The following FMN2 variants were observed in gnomAD, a reference collection of about 807,000 sequenced individuals.
FMN2 encodes the protein formin 2.
In FMN2, 51 loss-of-function variants were observed where a neutral mutation model predicts 142.3. The observed-to-expected ratio is 0.36, with a 90% CI of 0.29 to 0.45. The LOEUF (loss-of-function observed/expected upper bound fraction) is 0.45. FMN2 is among the 20% of genes least tolerant of loss of function. FMN2 has a pLI of 1.00. For missense variants in FMN2, 1,936 were observed against 2,122.8 expected (o/e 0.91, Z 1.73); for synonymous variants, 882 against 869.8 (o/e 1.01, Z -0.25).
At chr1:240,097,071 C>T (rs1038652478) in intron 1 of FMN2, among the ~76,000 whole-genome samples, 1 of 152,086 alleles carries the variant, frequency 6.6e-6, no homozygotes, top group African/African-American at 2.4e-5. Context: ...AGATATCCAA[C>T]GTGTTAAATT....
At chr1:240,374,779 T>C (rs1672989655) in intron 14 of FMN2, among the ~76,000 whole-genome samples, 1 of 152,198 alleles carries the variant, frequency 6.6e-6, no homozygotes, top group Non-Finnish European at 1.5e-5. Context: ...AAGTAGCACT[T>C]TAAATTTCCC....
In FMN2 at chr1:240,092,766, ACAGCAGCAGCAG is replaced by A. The variant is rs532298569; in HGVS notation, c.665_676del (p.Gln222_Gln225del). The A allele has an allele frequency of 1.2e-6, 2 of 1,609,564 alleles. No individual in the cohort carries two copies. Among genetic ancestry groups the A allele is most frequent in the African/African-American group, 1.3e-5 (1 of 74,808 alleles). On this transcript the variant is annotated inframe_deletion, in exon 1 of 18. Coordinates refer to ENST00000319653, the MANE Select transcript of FMN2 (RefSeq NM_020066.5). ...AGCAGCTCCAGCTCCAGCTCCAGCA[ACAGCAGCAGCAG>A]CAGCAGCTCCAGGGCGCCGAGGAGC...
intron 7 of FMN2, among the ~76,000 whole-genome samples, chr1:240,293,232 G>T (rs1669851602): frequency 6.6e-6 from 1 of 152,072 alleles, no homozygotes; most frequent in Non-Finnish European, 1.5e-5. Context: ...GGACAACTGT[G>T]TACTTTATGA....
At chr1:240,208,878 G>A in intron 5 of FMN2, 146 bp downstream of exon 5, 1 of 1,045,910 alleles carries the variant, frequency 9.6e-7, no homozygotes, top group Non-Finnish European at 1.4e-6. Context: ...ATATAGTGCA[G>A]CAGTTTGCTA....
At chr1:240,303,375 A>G (rs1185843909) in intron 8 of FMN2, among the ~76,000 whole-genome samples, 3 of 152,182 alleles carry the variant, frequency 2.0e-5, no homozygotes, top group South Asian at 2.1e-4. Context: ...CAGCTTTAGT[A>G]TATCTGGAAT....
intron 6 of FMN2, among the ~76,000 whole-genome samples, chr1:240,238,583 A>G (rs12090851): frequency 0.32 from 47,994 of 152,058 alleles, 8,694 homozygotes; most frequent in African/African-American, 0.5. Flanking sequence ...TCATAACAAG[A>G]TAAATTTTTA....
chr1:240,376,549 A>G (rs1673051660), intron 14 of FMN2, among the ~76,000 whole-genome samples: 1 of 152,162 alleles, frequency 6.6e-6, no homozygotes, highest in Non-Finnish European at 1.5e-5. Context: ...GAATGTGTAT[A>G]GACTTATTTT....
At chr1:240,171,083 C>T (rs1572015632) in intron 2 of FMN2, 1 of 1,431,296 alleles carries the variant, frequency 7.0e-7, no homozygotes, top group East Asian at 2.3e-5. Flanking sequence ...GCCACTCATC[C>T]ATTCCAGCTG....
At chr1:240,361,182 T>TATATAA (rs1672468262) in intron 14 of FMN2, among the ~76,000 whole-genome samples, 4 of 103,482 alleles carry the variant, frequency 3.9e-5, no homozygotes, top group Non-Finnish European at 8.7e-5. Context: ...TATATATATA[T>TATATAA]ATAAAAGAGT....
chr1:240,441,704 C>T (rs554863943), intron 16 of FMN2, among the ~76,000 whole-genome samples: 1 of 149,596 alleles, frequency 6.7e-6, no homozygotes, highest in Non-Finnish European at 1.5e-5. Context: ...CTGGTATGGT[C>T]CTCATATGGG....
chr1:240,291,174 G>A (rs1344367976), intron 7 of FMN2, among the ~76,000 whole-genome samples: 2 of 152,100 alleles, frequency 1.3e-5, no homozygotes, highest in Non-Finnish European at 2.9e-5. Flanking sequence ...AAATATCTCC[G>A]TTGTTTTAAT....
intron 2 of FMN2, among the ~76,000 whole-genome samples, chr1:240,175,084 G>T (rs1042108356): frequency 2.0e-5 from 3 of 152,106 alleles, no homozygotes; most frequent in Non-Finnish European, 4.4e-5. Flanking sequence ...TACGGTATTC[G>T]TCTGTTTGTA....
At chr1:240,235,573 G>A (rs1471328816) in intron 6 of FMN2, among the ~76,000 whole-genome samples, 1 of 146,208 alleles carries the variant, frequency 6.8e-6, no homozygotes, top group Non-Finnish European at 1.5e-5. Context: ...CACCATGCCT[G>A]GCTAATTAAA....
chr1:240,137,903 A>G (rs1043246078), intron 2 of FMN2, among the ~76,000 whole-genome samples: 1 of 152,010 alleles, frequency 6.6e-6, no homozygotes, highest in Non-Finnish European at 1.5e-5. Flanking sequence ...CAGCCTGGCC[A>G]ACATGGTGAA....
chr1:240,170,082 G>C, intron 2 of FMN2: 1 of 593,976 alleles, frequency 1.7e-6, no homozygotes, highest in Non-Finnish European at 3.0e-6. Context: ...CATGGAATGA[G>C]AATAGCAACA....
chr1:240,359,038 T>C (rs1672376368), intron 14 of FMN2, among the ~76,000 whole-genome samples: 1 of 152,070 alleles, frequency 6.6e-6, no homozygotes, highest in Admixed American at 6.5e-5. Flanking sequence ...GGCATGAGAA[T>C]CACTTGCACC....
At chr1:240,399,686 G>C (rs1463127056) in intron 15 of FMN2, among the ~76,000 whole-genome samples, 2 of 152,114 alleles carry the variant, frequency 1.3e-5, no homozygotes, top group African/African-American at 4.8e-5. Context: ...ATAAGAGGGG[G>C]CTCCCTTTCT....
intron 1 of FMN2, 65 bp from the exon 2 acceptor site, chr1:240,123,114 C>T (rs1662348562): frequency 6.4e-7 from 1 of 1,573,618 alleles, no homozygotes; most frequent in Non-Finnish European, 8.7e-7. Context: ...AGCCGCTGTC[C>T]CCTGGCGAGT....
In FMN2 at chr1:240,290,667, A is replaced by G. The variant is rs1004564611; in HGVS notation, c.4154-4155A>G. 5.3e-5 allele frequency among the ~76,000 whole-genome samples: 8 copies of G among 152,182 alleles called. No individual in the cohort carries two copies. In the East Asian group the frequency reaches 1.4e-3, roughly 26 times the overall value. On this transcript the variant is annotated intron_variant, in intron 7 of 17. Coordinates refer to ENST00000319653, the MANE Select transcript of FMN2 (RefSeq NM_020066.5). Reference sequence around the variant, plus strand: ...GATCAAAGACACACAGCCATTTGGTATGAAAGCCTGAAAGATTACTATGTT... The same window carrying G: ...GATCAAAGACACACAGCCATTTGGTGTGAAAGCCTGAAAGATTACTATGTT...
Sources: gnomAD v4.1 joint callset for allele counts (sites outside exome capture counted in the v4.1 genomes callset) on GRCh38, gnomAD v4.1.1 for gene constraint, MANE v1.5 for transcripts, NCBI Gene and HGNC (gene_info 2026-07-23, HGNC 2026-07-21) for gene names.